The following SRGAP1 variants were observed in gnomAD, a reference collection of about 807,000 sequenced individuals.
SRGAP1 encodes SLIT-ROBO Rho GTPase-activating protein 1.
A neutral mutation model predicts 121.9 loss-of-function variants in SRGAP1; 43 were observed. That is an observed-to-expected ratio of 0.35 (90% confidence interval 0.28 to 0.46). SRGAP1 has a LOEUF of 0.46. Ranked by LOEUF, SRGAP1 falls within the 20% of genes least tolerant of loss-of-function variation. The pLI is 1.00. For synonymous variants in SRGAP1, 447 were observed against 485.4 expected, an observed-to-expected ratio of 0.92 and a Z score of 1.04; for missense variants, 1,102 against 1,350.9, an observed-to-expected ratio of 0.82 and a Z score of 2.89.
chr12:63,944,007 A>G (rs185457266), intron 1 of SRGAP1, among the ~76,000 whole-genome samples: 7 of 152,300 alleles, frequency 4.6e-5, no homozygotes, highest in African/African-American at 1.2e-4. Context: ...AGTTGGATGT[A>G]TATGTACATG....
chr12:63,968,548 C>T (rs1214642923), intron 1 of SRGAP1, among the ~76,000 whole-genome samples: 1 of 152,126 alleles, frequency 6.6e-6, no homozygotes, highest in African/African-American at 2.4e-5. Context: ...ATTTGGGGGA[C>T]CTGTCTTGTC....
intron 1 of SRGAP1, among the ~76,000 whole-genome samples, chr12:63,892,904 A>G (rs1900633925): frequency 6.6e-6 from 1 of 152,160 alleles, no homozygotes; most frequent in Non-Finnish European, 1.5e-5. Context: ...AATTGTAGCA[A>G]TTATATATTA....
At chr12:63,874,952 G>C (rs1159262788) in intron 1 of SRGAP1, among the ~76,000 whole-genome samples, 1 of 152,116 alleles carries the variant, frequency 6.6e-6, no homozygotes, top group Non-Finnish European at 1.5e-5. Context: ...ATCTTGCTCT[G>C]CTGCTCAGGC....
intron 1 of SRGAP1, among the ~76,000 whole-genome samples, chr12:63,901,231 C>G (rs1050544073): frequency 6.6e-6 from 1 of 152,152 alleles, no homozygotes; most frequent in African/African-American, 2.4e-5. Flanking sequence ...CTTCTCCATA[C>G]TAAGAGGTGA....
At chr12:63,922,017 C>T (rs1002167794) in intron 1 of SRGAP1, among the ~76,000 whole-genome samples, 14 of 150,282 alleles carry the variant, frequency 9.3e-5, no homozygotes, top group Non-Finnish European at 1.8e-4. Flanking sequence ...TCACCTCTGT[C>T]GCTCAGGCTG....
intron 1 of SRGAP1, among the ~76,000 whole-genome samples, chr12:63,882,581 G>A (rs747401732): frequency 3.3e-5 from 5 of 152,068 alleles, no homozygotes; most frequent in Non-Finnish European, 5.9e-5. Context: ...ACCACGCCCG[G>A]CCCTATAATG....
chr12:64,101,717 C>T (rs2036258226), intron 15 of SRGAP1, among the ~76,000 whole-genome samples: 1 of 152,020 alleles, frequency 6.6e-6, no homozygotes, highest in Non-Finnish European at 1.5e-5. Flanking sequence ...TGCATCATGG[C>T]TCTGAGATTT....
chr12:63,878,945 C>G (rs1045195556), intron 1 of SRGAP1: 1 of 152,206 alleles, frequency 6.6e-6, no homozygotes, highest in African/African-American at 2.4e-5. Flanking sequence ...TTCTTTCAAT[C>G]TTGAATGAGA....
chr12:64,035,191 C>A (rs939627439), intron 4 of SRGAP1, among the ~76,000 whole-genome samples: 1 of 152,034 alleles, frequency 6.6e-6, no homozygotes, highest in Non-Finnish European at 1.5e-5. Flanking sequence ...GCCTTTATAT[C>A]CTTTATATAA....
chr12:63,951,083 T>TGA (rs2136364774), intron 1 of SRGAP1, among the ~76,000 whole-genome samples: 1 of 151,188 alleles, frequency 6.6e-6, no homozygotes, highest in Non-Finnish European at 1.5e-5. Context: ...GTGTCTTATC[T>TGA]GAGTACCTGA....
chr12:64,064,690 C>T (rs539467445), intron 7 of SRGAP1, among the ~76,000 whole-genome samples: 15 of 152,306 alleles, frequency 9.8e-5, no homozygotes, highest in South Asian at 2.1e-4. Flanking sequence ...ACAGAGCTGG[C>T]GTTCGAGTAC....
At chr12:64,095,090 T>C (rs2036130146) in intron 13 of SRGAP1, 37 bp from the exon 14 acceptor site, 1 of 1,609,912 alleles carries the variant, frequency 6.2e-7, no homozygotes, top group Non-Finnish European at 8.5e-7. Flanking sequence ...GACAATGTGA[T>C]GGGGGTTTTA....
chr12:64,074,944 A>G (rs1466703019), intron 8 of SRGAP1, among the ~76,000 whole-genome samples: 3 of 152,078 alleles, frequency 2.0e-5, no homozygotes, highest in Non-Finnish European at 2.9e-5. Context: ...CATTTTCACA[A>G]TTTTATGAAG....
Position 64,153,700 on chromosome 12 carries a change from T to C in SRGAP1, c.*11028T>C, listed in dbSNP as rs2037141456. 6.6e-6 allele frequency: 1 copy of C among 152,182 alleles called. No homozygotes were observed. Among genetic ancestry groups the C allele is most frequent in the Admixed American group, 6.5e-5 (1 of 15,280 alleles). 9.4% of individuals were successfully genotyped at this position (152,182 alleles called of 1,614,324 possible). A position where few individuals can be genotyped will look rare whatever the true frequency, so the allele number is the denominator to read the frequency against. ...TAGAGAAACTGACACCCTTGTGCAC[T>C]GTTGGTGGGAATGTAAAATGGTAGA... On this transcript the variant is annotated 3_prime_UTR_variant, in exon 22 of 22. Coordinates refer to ENST00000355086, the MANE Select transcript of SRGAP1 (RefSeq NM_020762.4).
chr12:64,039,754 A>G (rs907402593), intron 4 of SRGAP1, among the ~76,000 whole-genome samples: 3 of 152,060 alleles, frequency 2.0e-5, no homozygotes, highest in Non-Finnish European at 4.4e-5. Flanking sequence ...AGCCAAGCCT[A>G]GAAAGAAATG....
intron 1 of SRGAP1, among the ~76,000 whole-genome samples, chr12:63,942,086 A>G (rs1043137038): frequency 1.3e-5 from 2 of 152,302 alleles, no homozygotes; most frequent in African/African-American, 2.4e-5. Context: ...TGATCCCTCT[A>G]TCAATTCTGT....
chr12:64,087,049 C>T (rs1466733611), intron 11 of SRGAP1, 23 bp downstream of exon 11: 2 of 1,554,898 alleles, frequency 1.3e-6, no homozygotes, highest in Middle Eastern at 2.0e-4. Context: ...TTTATCATAA[C>T]TTATAGCGTA....
chr12:63,904,199 C>T (rs936339359), intron 1 of SRGAP1, among the ~76,000 whole-genome samples: 1 of 150,756 alleles, frequency 6.6e-6, no homozygotes, highest in South Asian at 2.2e-4. Flanking sequence ...TTTAGTAATA[C>T]AACTCCCCAA....
At chr12:64,072,100 A>ATCTC (rs796532210) in intron 8 of SRGAP1, among the ~76,000 whole-genome samples, 1 of 60,558 alleles carries the variant, frequency 1.7e-5, no homozygotes, top group African/African-American at 4.8e-5. Context: ...AGTTGACCCA[A>ATCTC]TCTCTCTCTG....
Sources: gnomAD v4.1 joint callset for allele counts (sites outside exome capture counted in the v4.1 genomes callset) on GRCh38, gnomAD v4.1.1 for gene constraint, MANE v1.5 for transcripts, NCBI Gene and HGNC (gene_info 2026-07-23, HGNC 2026-07-21) for gene names.